Variants in RBFOX1 observed in about 807,000 individuals in gnomAD.
RBFOX1 encodes RNA binding protein fox-1 homolog 1.
In RBFOX1, 8 loss-of-function variants were observed where a neutral mutation model predicts 57.7. The observed-to-expected ratio is 0.14, with a 90% CI of 0.08 to 0.25. The LOEUF (loss-of-function observed/expected upper bound fraction) is 0.25. RBFOX1 is among the 10% of genes least tolerant of loss of function. The probability of loss-of-function intolerance (pLI) is 1.00; values close to 1 mark genes in which losing one functional copy is unlikely to be tolerated. For missense variants in RBFOX1, 611 were observed against 548.5 expected, an observed-to-expected ratio of 1.11 and a Z score of -1.14; for synonymous variants, 326 against 222.4, an observed-to-expected ratio of 1.47 and a Z score of -4.15.
intron 2 of RBFOX1, among the ~76,000 whole-genome samples, chr16:6,594,648 G>T (rs1279324327): frequency 1.3e-5 from 2 of 151,878 alleles, no homozygotes; most frequent in Non-Finnish European, 2.9e-5. Flanking sequence ...AGTATGTTCA[G>T]GTTGTGGATT....
intron 3 of RBFOX1, among the ~76,000 whole-genome samples, chr16:6,796,576 C>T (rs1005294386): frequency 6.6e-6 from 1 of 152,122 alleles, no homozygotes; most frequent in South Asian, 2.1e-4. Flanking sequence ...TATCTACTTC[C>T]TTCTACCCTT....
At chr16:5,820,270 T>C (rs112224365) in intron 3 of RBFOX1, among the ~76,000 whole-genome samples, 16 of 152,212 alleles carry the variant, frequency 1.1e-4, no homozygotes, top group African/African-American at 3.6e-4. Context: ...CATTGTCTTA[T>C]TCAGTTCTTT....
At chr16:7,001,150 G>T (rs572716143) in intron 3 of RBFOX1, among the ~76,000 whole-genome samples, 1 of 151,996 alleles carries the variant, frequency 6.6e-6, no homozygotes, top group African/African-American at 2.4e-5. Context: ...TTTCAAATCC[G>T]TTTGAGTTAG....
At chr16:7,682,719 C>G (rs1370197220) in intron 14 of RBFOX1, among the ~76,000 whole-genome samples, 1 of 151,354 alleles carries the variant, frequency 6.6e-6, no homozygotes, top group Non-Finnish European at 1.5e-5. Context: ...AAAGCACGTC[C>G]AGGTTTTAGT....
Position 6,404,118 on chromosome 16 carries a change from A to C in RBFOX1, c.-64+87061A>C, listed in dbSNP as rs76885930. Among the ~76,000 whole-genome samples, 2,503 of 152,268 alleles carry C rather than the reference A, an allele frequency of 0.016. 169 individuals carry two copies. In the East Asian group the frequency reaches 0.23, roughly 14 times the overall value. On this transcript the variant is annotated intron_variant, in intron 2 of 15. Coordinates refer to ENST00000550418, the MANE Select transcript of RBFOX1 (RefSeq NM_018723.4). ...GGCATCCATGGAGTCAACCAACCAC[A>C]GATCGAAAAAATATATATTTTAAAT... is the stretch of plus-strand genomic sequence containing the variant.
chr16:7,170,578 A>T (rs1478721), intron 4 of RBFOX1, among the ~76,000 whole-genome samples: 24,555 of 152,162 alleles, frequency 0.16, 2,679 homozygotes, highest in East Asian at 0.42. Flanking sequence ...TCCATGTGAG[A>T]AACTAAAGGA....
intron 1 of RBFOX1, among the ~76,000 whole-genome samples, chr16:6,296,708 C>A (rs1567875910): frequency 2.6e-5 from 4 of 152,190 alleles, no homozygotes; most frequent in Admixed American, 2.0e-4. Flanking sequence ...ACGTGAGCCA[C>A]CGTACCCAGC....
chr16:5,617,041 G>A (rs1020018877), intron 3 of RBFOX1, among the ~76,000 whole-genome samples: 1 of 151,822 alleles, frequency 6.6e-6, no homozygotes, highest in African/African-American at 2.4e-5. Flanking sequence ...TCCCAGCTGC[G>A]GTTGCTGAGG....
chr16:6,651,464 C>T (rs899698079), intron 2 of RBFOX1, among the ~76,000 whole-genome samples: 2 of 152,180 alleles, frequency 1.3e-5, no homozygotes, highest in African/African-American at 4.8e-5. Context: ...AATTTTTCTC[C>T]CTACTTAAAT....
chr16:7,106,974 A>C (rs2063708370), intron 4 of RBFOX1, among the ~76,000 whole-genome samples: 1 of 74,714 alleles, frequency 1.3e-5, no homozygotes, highest in Non-Finnish European at 2.8e-5. Flanking sequence ...CATGTAAGCC[A>C]CACAGTTAAA....
intron 4 of RBFOX1, among the ~76,000 whole-genome samples, chr16:7,195,286 C>T (rs1396606003): frequency 6.6e-6 from 1 of 152,160 alleles, no homozygotes; most frequent in Non-Finnish European, 1.5e-5. Context: ...TTTCATCACA[C>T]AGGCTTGCAA....
chr16:5,316,388 C>G (rs1189202154), intron 1 of RBFOX1, among the ~76,000 whole-genome samples: 1 of 152,208 alleles, frequency 6.6e-6, no homozygotes, highest in Non-Finnish European at 1.5e-5. Context: ...GCCCAGCACA[C>G]TGCCCAGAAC....
At chr16:6,874,317 C>A (rs1388843487) in intron 3 of RBFOX1, among the ~76,000 whole-genome samples, 2 of 151,868 alleles carry the variant, frequency 1.3e-5, no homozygotes, top group African/African-American at 4.8e-5. Flanking sequence ...TTGAGACCAG[C>A]CTGGCCAACA....
At chr16:6,847,865 T>A (rs2093843258) in intron 3 of RBFOX1, among the ~76,000 whole-genome samples, 1 of 151,670 alleles carries the variant, frequency 6.6e-6, no homozygotes, top group African/African-American at 2.4e-5. Context: ...TGAAATGGAG[T>A]CTTGGTCTGT....
chr16:6,705,890 T>C (rs141218071), intron 3 of RBFOX1, among the ~76,000 whole-genome samples: 1 of 152,076 alleles, frequency 6.6e-6, no homozygotes, highest in African/African-American at 2.4e-5. Context: ...TGGTGGTGCA[T>C]GTCTCTAGTC....
At chr16:7,078,969 A>G (rs559945297) in intron 4 of RBFOX1, among the ~76,000 whole-genome samples, 33 of 139,698 alleles carry the variant, frequency 2.4e-4, no homozygotes, top group South Asian at 1.2e-3. Context: ...TGGCCTCCCA[A>G]CAAGACCCTA....
intron 2 of RBFOX1, among the ~76,000 whole-genome samples, chr16:5,469,361 C>T (rs1023677641): frequency 1.1e-4 from 17 of 152,312 alleles, no homozygotes; most frequent in African/African-American, 4.1e-4. Flanking sequence ...AGCAAGGAAG[C>T]ATCTAATGAA....
At chr16:5,299,833 A>C (rs766114375) in intron 1 of RBFOX1, among the ~76,000 whole-genome samples, 8 of 152,162 alleles carry the variant, frequency 5.3e-5, no homozygotes, top group Non-Finnish European at 8.8e-5. Flanking sequence ...AATTGTGGAT[A>C]CAAGTGGGGA....
At chr16:6,881,222 G>C (rs1164209633) in intron 3 of RBFOX1, among the ~76,000 whole-genome samples, 2 of 152,198 alleles carry the variant, frequency 1.3e-5, no homozygotes, top group Non-Finnish European at 2.9e-5. Context: ...CCAGGAGTCT[G>C]AGCATGAATT....
Sources: allele counts gnomAD v4.1 joint callset (sites outside exome capture counted in the v4.1 genomes callset), GRCh38; gene constraint gnomAD v4.1.1; transcripts MANE v1.5; gene names NCBI Gene and HGNC (gene_info 2026-07-23, HGNC 2026-07-21).